PRKCB: variants seen among roughly 807,000 people sequenced by gnomAD.
PRKCB encodes the protein protein kinase C beta.
In PRKCB, 13 loss-of-function variants were observed where a neutral mutation model predicts 81.5. The observed-to-expected ratio is 0.16, with a 90% CI of 0.10 to 0.25. PRKCB has a LOEUF of 0.25. Among genes scored for constraint, PRKCB ranks in the 10% least tolerant of loss-of-function variants. The pLI is 1.00. For missense variants in PRKCB, 509 were observed against 875.7 expected, an observed-to-expected ratio of 0.58 and a Z score of 5.29; for synonymous variants, 335 against 321.4, an observed-to-expected ratio of 1.04 and a Z score of -0.45.
At chr16:23,925,473 G>A (rs929977087) in intron 2 of PRKCB, among the ~76,000 whole-genome samples, 20 of 152,020 alleles carry the variant, frequency 1.3e-4, no homozygotes, top group Admixed American at 1.3e-3. Context: ...CCGTTTCCAA[G>A]GACAGAGAGC....
In PRKCB at chr16:24,180,889, C is replaced by G. The variant is rs1415861985; in HGVS notation, c.1494C>G (p.Thr498=). Residue 498 remains threonine, a synonymous_variant, in exon 13 of 17, where the codon ACC becomes ACG. Transcript: ENST00000643927. Reference sequence around the variant, plus strand: ...AAAACATCTGGGATGGGGTGACAACCAAGACATTCTGTGGCACTCCAGACT... The same window carrying G: ...AAAACATCTGGGATGGGGTGACAACGAAGACATTCTGTGGCACTCCAGACT... ...CKENIWDGVT[T]KTFCGTPDYI... The G allele has an allele frequency of 1.9e-6, 3 of 1,614,010 alleles. No individual in the cohort carries two copies. In the African/African-American group the frequency reaches 4.0e-5, roughly 22 times the overall value.
intron 5 of PRKCB, among the ~76,000 whole-genome samples, chr16:24,066,075 C>CTGTGTGTGTGTGTG (rs58216806): frequency 1.9e-4 from 26 of 139,658 alleles, no homozygotes; most frequent in African/African-American, 5.3e-4. Flanking sequence ...TGTGATGTTC[C>CTGTGTGTGTGTGTG]TGTGTGTGTG....
intron 9 of PRKCB, among the ~76,000 whole-genome samples, chr16:24,134,787 T>C (rs1205909542): frequency 6.6e-6 from 1 of 151,328 alleles, no homozygotes; most frequent in African/African-American, 2.4e-5. Flanking sequence ...TGGCACACAG[T>C]TGTAGTCCTA....
At chr16:23,881,313 C>G (rs940643161) in intron 2 of PRKCB, among the ~76,000 whole-genome samples, 5 of 145,646 alleles carry the variant, frequency 3.4e-5, no homozygotes, top group Non-Finnish European at 1.5e-5. Flanking sequence ...AGTGCGGTGG[C>G]GCGGTCTTGG....
At chr16:24,100,558 T>C (rs529519933) in intron 7 of PRKCB, among the ~76,000 whole-genome samples, 2 of 152,226 alleles carry the variant, frequency 1.3e-5, no homozygotes, top group South Asian at 2.1e-4. Context: ...GGAATGATGT[T>C]GCCTGGTGCA....
chr16:24,115,126 G>C (rs1966721661), intron 8 of PRKCB, among the ~76,000 whole-genome samples: 1 of 152,210 alleles, frequency 6.6e-6, no homozygotes, highest in African/African-American at 2.4e-5. Context: ...GCCAAAGAGA[G>C]TCCAAGGAAA....
intron 7 of PRKCB, among the ~76,000 whole-genome samples, chr16:24,101,396 A>G (rs914622904): frequency 2.6e-5 from 4 of 152,164 alleles, no homozygotes; most frequent in African/African-American, 9.7e-5. Flanking sequence ...AAATTTAGCC[A>G]GGCATGGCGG....
intron 3 of PRKCB, among the ~76,000 whole-genome samples, chr16:24,022,523 G>A (rs574584165): frequency 2.6e-5 from 4 of 151,960 alleles, no homozygotes; most frequent in South Asian, 4.2e-4. Context: ...ACAGAGTCTC[G>A]CTCTGTTGCC....
At chr16:24,026,734 A>G (rs1382686285) in intron 3 of PRKCB, among the ~76,000 whole-genome samples, 1 of 152,212 alleles carries the variant, frequency 6.6e-6, no homozygotes, top group African/African-American at 2.4e-5. Flanking sequence ...GGCTCAGGCC[A>G]CTTCTACCAA....
intron 2 of PRKCB, among the ~76,000 whole-genome samples, chr16:23,860,250 AC>A (rs1191789114): frequency 1.3e-5 from 2 of 152,150 alleles, no homozygotes; most frequent in African/African-American, 4.8e-5. Flanking sequence ...AAAAAAAAGT[AC>A]TATAAATGTT....
At chr16:24,003,972 C>G (rs1965077697) in intron 3 of PRKCB, among the ~76,000 whole-genome samples, 1 of 152,102 alleles carries the variant, frequency 6.6e-6, no homozygotes, top group Middle Eastern at 3.2e-3. Context: ...ATGAACATAT[C>G]CCAAATAAAA....
intron 9 of PRKCB, among the ~76,000 whole-genome samples, chr16:24,142,593 G>C (rs23555): frequency 0.37 from 56,760 of 152,058 alleles, 10,938 homozygotes; most frequent in African/African-American, 0.48. Flanking sequence ...TTGGTCTAGA[G>C]TGTGGCCCAA....
chr16:24,015,680 C>T (rs752478643), intron 3 of PRKCB, among the ~76,000 whole-genome samples: 6 of 152,212 alleles, frequency 3.9e-5, no homozygotes, highest in African/African-American at 9.7e-5. Flanking sequence ...TCTATCCAGC[C>T]GACACTCTCC....
chr16:23,898,848 A>G (rs1373718519), intron 2 of PRKCB, among the ~76,000 whole-genome samples: 1 of 152,198 alleles, frequency 6.6e-6, no homozygotes, highest in Admixed American at 6.5e-5. Context: ...TGATCAAATC[A>G]TCTAAACTCC....
At chr16:24,126,718 T>C (rs1966844924) in intron 9 of PRKCB, among the ~76,000 whole-genome samples, 2 of 152,008 alleles carry the variant, frequency 1.3e-5, no homozygotes, top group Admixed American at 6.6e-5. Context: ...TAGTTTTTAA[T>C]AGAGACAGGG....
intron 8 of PRKCB, among the ~76,000 whole-genome samples, chr16:24,115,133 G>A (rs1461282238): frequency 1.3e-5 from 2 of 152,218 alleles, no homozygotes; most frequent in African/African-American, 4.8e-5. Context: ...AGAGTCCAAG[G>A]AAAGGCTGAG....
chr16:23,901,656 C>A (rs965053065), intron 2 of PRKCB, among the ~76,000 whole-genome samples: 1 of 152,132 alleles, frequency 6.6e-6, no homozygotes, highest in Admixed American at 6.5e-5. Flanking sequence ...GCCCAGCAAC[C>A]AGCCTGTTCA....
intron 2 of PRKCB, among the ~76,000 whole-genome samples, chr16:23,889,899 T>C (rs1032856537): frequency 3.9e-5 from 6 of 152,236 alleles, no homozygotes; most frequent in African/African-American, 1.4e-4. Context: ...CCTTCCCTTT[T>C]CTTTTTGGCA....
intron 3 of PRKCB, among the ~76,000 whole-genome samples, chr16:24,000,257 C>T (rs1219830466): frequency 6.6e-6 from 1 of 152,190 alleles, no homozygotes; most frequent in Non-Finnish European, 1.5e-5. Context: ...TTATAAAAAT[C>T]TGCATGTTAT....
Sources: allele counts gnomAD v4.1 joint callset (sites outside exome capture counted in the v4.1 genomes callset), GRCh38; gene constraint gnomAD v4.1.1; transcripts MANE v1.5; gene names NCBI Gene and HGNC (gene_info 2026-07-23, HGNC 2026-07-21).